CNKSR2: variants seen among roughly 807,000 people sequenced by gnomAD.
CNKSR2 encodes connector enhancer of kinase suppressor of Ras 2.
A neutral mutation model predicts 84.4 loss-of-function variants in CNKSR2; 14 were observed. The observed-to-expected ratio is 0.17, with a 90% CI of 0.11 to 0.26. CNKSR2 has a LOEUF of 0.26. CNKSR2 is among the 10% of genes least tolerant of loss of function. The probability of loss-of-function intolerance (pLI) is 1.00; values close to 1 mark genes in which losing one functional copy is unlikely to be tolerated. For missense variants in CNKSR2, 485 were observed against 771.2 expected (o/e 0.63, Z 4.40); for synonymous variants, 275 against 277.9 (o/e 0.99, Z 0.10).
intron 6 of CNKSR2, chrX:21,491,157 C>T (rs1569202165): frequency 1.8e-5 from 2 of 110,672 alleles, no homozygotes; most frequent in East Asian, 5.7e-4. Flanking sequence ...ATATTTTGTT[C>T]ACCTGATTAA....
At chrX:21,583,343 T>C (rs2092364922) in intron 13 of CNKSR2, among the ~76,000 whole-genome samples, 1 of 111,954 alleles carries the variant, frequency 8.9e-6, no homozygotes, top group Non-Finnish European at 1.9e-5. Context: ...TTTGACTTAA[T>C]ATTTGGTTCT....
chrX:21,423,398 G>T (rs2090523435), intron 1 of CNKSR2: 1 of 110,997 alleles, frequency 9.0e-6, no homozygotes, highest in South Asian at 3.8e-4. Flanking sequence ...AATAATAGAA[G>T]GTATTACTAT....
chrX:21,586,251 G>A (rs747709956), intron 13 of CNKSR2, among the ~76,000 whole-genome samples: 43 of 111,946 alleles, frequency 3.8e-4, no homozygotes, highest in African/African-American at 1.3e-3. Context: ...AAGGCAAGCA[G>A]AGCTTCCTCA....
chrX:21,502,140 G>A (rs1175414856), intron 8 of CNKSR2, among the ~76,000 whole-genome samples: 3 of 102,747 alleles, frequency 2.9e-5, no homozygotes, highest in African/African-American at 1.0e-4. Flanking sequence ...TTTAAAAAAT[G>A]TTCTTGCCCT....
intron 13 of CNKSR2, among the ~76,000 whole-genome samples, chrX:21,571,989 A>G (rs1372814548): frequency 6.2e-5 from 7 of 112,343 alleles, no homozygotes. Flanking sequence ...TTACAGAATG[A>G]CATGATGTTT....
intron 4 of CNKSR2, among the ~76,000 whole-genome samples, chrX:21,455,696 G>A (rs111702331): frequency 3.7e-4 from 41 of 111,595 alleles, no homozygotes; most frequent in African/African-American, 1.3e-3. Flanking sequence ...ACCCCTTCAG[G>A]GGTACCCCCT....
At chrX:21,453,511 G>A (rs1038711850) in intron 4 of CNKSR2, among the ~76,000 whole-genome samples, 1 of 111,111 alleles carries the variant, frequency 9.0e-6, no homozygotes, top group Non-Finnish European at 1.9e-5. Flanking sequence ...GACTTTCAAG[G>A]CAACACATTA....
chrX:21,599,819 C>T (rs1233332008), intron 17 of CNKSR2, among the ~76,000 whole-genome samples: 1 of 111,391 alleles, frequency 9.0e-6, no homozygotes, highest in Non-Finnish European at 1.9e-5. Flanking sequence ...CAAATTTAAC[C>T]CCTTTTTCAC....
chrX:21,414,594 G>C (rs991655314), intron 1 of CNKSR2, among the ~76,000 whole-genome samples: 1 of 110,860 alleles, frequency 9.0e-6, no homozygotes, highest in Non-Finnish European at 1.9e-5. Flanking sequence ...TTTTTGCTTT[G>C]GTTGCCTGTG....
Position 21,440,073 on chromosome X carries a change from A to G in CNKSR2, c.432-621A>G, listed in dbSNP as rs370873908. On this transcript the variant is annotated intron_variant, in intron 3 of 21. Coordinates refer to ENST00000379510, the MANE Select transcript of CNKSR2 (RefSeq NM_014927.5). ...GACACATGACTAAATGAGTTGCTTC[A>G]AACACTTGAAGATACATCAGTATAC... Among the ~76,000 whole-genome samples, 38 of 111,419 alleles carry G rather than the reference A, an allele frequency of 3.4e-4. No homozygotes were observed. The East Asian group carries it at 4.2e-3, about 12-fold the overall frequency.
At chrX:21,449,024 G>T (rs1001625917) in intron 4 of CNKSR2, among the ~76,000 whole-genome samples, 29 of 111,679 alleles carry the variant, frequency 2.6e-4, no homozygotes, top group African/African-American at 9.4e-4. Context: ...ACCAGATTGG[G>T]CCAGGCGCGT....
rs572809486 is a variant in CNKSR2, at chrX:21,579,759, A to G, written c.1609-10813A>G. 3.5e-4 allele frequency among the ~76,000 whole-genome samples: 39 copies of G among 111,742 alleles called. 1 individual carries two copies. The South Asian group carries it at 0.014, about 41-fold the overall frequency. On this transcript the variant is annotated intron_variant, in intron 13 of 21. Transcript: ENST00000379510. ...AAGATCTGATTCAGTGTCTGGCACT[A>G]TGATAGTGCACAAATAGTATACCCT...
intron 11 of CNKSR2, among the ~76,000 whole-genome samples, chrX:21,547,280 A>G (rs2092036368): frequency 9.0e-6 from 1 of 111,687 alleles, no homozygotes; most frequent in Non-Finnish European, 1.9e-5. Flanking sequence ...AGGAGTTGCA[A>G]TCCTAGTCTC....
intron 8 of CNKSR2, among the ~76,000 whole-genome samples, chrX:21,511,366 A>C (rs949402289): frequency 4.5e-5 from 5 of 111,492 alleles, no homozygotes; most frequent in Non-Finnish European, 9.4e-5. Flanking sequence ...CATATAAAAA[A>C]TATTTTAATA....
chrX:21,495,930 A>T (rs2091494664), intron 6 of CNKSR2, among the ~76,000 whole-genome samples: 1 of 109,016 alleles, frequency 9.2e-6, no homozygotes, highest in South Asian at 4.1e-4. Flanking sequence ...CATTATGTGA[A>T]CACCATAGAA....
chrX:21,598,342 C>A (rs1439703905), intron 17 of CNKSR2, among the ~76,000 whole-genome samples: 2 of 110,777 alleles, frequency 1.8e-5, no homozygotes, highest in Non-Finnish European at 3.8e-5. Flanking sequence ...TACACATGTT[C>A]TTGTAATTGT....
intron 1 of CNKSR2, among the ~76,000 whole-genome samples, chrX:21,412,443 A>G (rs765789726): frequency 1.2e-4 from 13 of 112,217 alleles, no homozygotes; most frequent in Non-Finnish European, 2.4e-4. Context: ...TACAATTTTC[A>G]GCATGTCCTC....
intron 6 of CNKSR2, among the ~76,000 whole-genome samples, chrX:21,496,560 T>C (rs1351028449): frequency 8.9e-6 from 1 of 111,755 alleles, no homozygotes; most frequent in African/African-American, 3.2e-5. Context: ...GAAATGACTT[T>C]TTAGAATTAA....
chrX:21,590,045 A>G (rs750469836), intron 13 of CNKSR2, among the ~76,000 whole-genome samples: 17 of 111,504 alleles, frequency 1.5e-4, no homozygotes, highest in Non-Finnish European at 2.6e-4. Context: ...CATCATCTAC[A>G]TGAAGATTAG....
Sources: allele counts gnomAD v4.1 joint callset (sites outside exome capture counted in the v4.1 genomes callset), GRCh38; gene constraint gnomAD v4.1.1; transcripts MANE v1.5; gene names NCBI Gene and HGNC (gene_info 2026-07-23, HGNC 2026-07-21).